The following ENOX1 variants were observed in gnomAD, a reference collection of about 807,000 sequenced individuals.
The protein encoded by ENOX1 is ecto-NOX disulfide-thiol exchanger 1.
ENOX1 carries 42 observed loss-of-function variants against 82.5 expected under a neutral mutation model. The ratio of observed to expected loss-of-function variants is 0.51; its 90% CI spans 0.40 to 0.66. ENOX1 has a LOEUF of 0.66. ENOX1 is among the 30% of genes least tolerant of loss of function. The probability of loss-of-function intolerance (pLI) is 0.00; values close to 1 mark genes in which losing one functional copy is unlikely to be tolerated. For missense variants in ENOX1, 608 were observed against 811.6 expected (o/e 0.75, Z 3.05); for synonymous variants, 271 against 282.2 (o/e 0.96, Z 0.40).
Position 43,630,858 on chromosome 13 carries a change from T to TACAC in ENOX1, c.-219+36620_-219+36621insGTGT, listed in dbSNP as rs767775854. Among the ~76,000 whole-genome samples, 88 of 82,092 alleles carry TACAC rather than the reference T, an allele frequency of 1.1e-3. 1 individual carries two copies. The East Asian group carries it at 0.014, about 13-fold the overall frequency. The allele number at this position is 82,092 out of a possible 152,430, so 53.9% of individuals were successfully genotyped here. On this transcript the variant is annotated intron_variant, in intron 2 of 16. Coordinates refer to ENST00000690772, the MANE Select transcript of ENOX1 (RefSeq NM_001347969.2). ...AACCACACACACACATATATATATA[T>TACAC]ATACACACACACACACATATATATA...
chr13:43,258,430 G>T (rs1280975996), intron 14 of ENOX1, among the ~76,000 whole-genome samples: 1 of 152,210 alleles, frequency 6.6e-6, no homozygotes, highest in African/African-American at 2.4e-5. Flanking sequence ...AGGGGCAGGG[G>T]TTGTAGAGGG....
chr13:43,437,566 C>G (rs1004825346), intron 3 of ENOX1, among the ~76,000 whole-genome samples: 1 of 152,098 alleles, frequency 6.6e-6, no homozygotes, highest in Non-Finnish European at 1.5e-5. Context: ...AGGTTTGTGA[C>G]CTGGGGCAAA....
At chr13:43,261,841 G>A (rs1439228800) in intron 14 of ENOX1, among the ~76,000 whole-genome samples, 1 of 127,606 alleles carries the variant, frequency 7.8e-6, no homozygotes, top group Non-Finnish European at 1.6e-5. Flanking sequence ...GACTGTTGTG[G>A]GGTGGGGGGA....
intron 12 of ENOX1, among the ~76,000 whole-genome samples, chr13:43,278,821 C>A (rs2045214225): frequency 6.6e-6 from 1 of 152,026 alleles, no homozygotes; most frequent in African/African-American, 2.4e-5. Context: ...CAATTTTTTC[C>A]TTTTATCACA....
chr13:43,708,217 C>T (rs1440741013), intron 1 of ENOX1, among the ~76,000 whole-genome samples: 1 of 152,174 alleles, frequency 6.6e-6, no homozygotes, highest in Non-Finnish European at 1.5e-5. Context: ...AAGAATGCCT[C>T]AAGTGAGCAT....
At chr13:43,326,716 C>T (rs1423279853) in intron 9 of ENOX1, among the ~76,000 whole-genome samples, 191 bp from the exon 10 acceptor site, 1 of 152,172 alleles carries the variant, frequency 6.6e-6, no homozygotes, top group Non-Finnish European at 1.5e-5. Context: ...AGTCTGTCTC[C>T]ACAACTTTAG....
At chr13:43,314,490 CA>C (rs1165777196) in intron 11 of ENOX1, among the ~76,000 whole-genome samples, 1 of 152,162 alleles carries the variant, frequency 6.6e-6, no homozygotes, top group East Asian at 1.9e-4. Context: ...AGCTCATGTG[CA>C]ACAGTGTTAG....
At chr13:43,437,131 C>CA (rs1328006237) in intron 3 of ENOX1, among the ~76,000 whole-genome samples, 1 of 151,928 alleles carries the variant, frequency 6.6e-6, no homozygotes, top group African/African-American at 2.4e-5. Context: ...AAAAGAAGAA[C>CA]AAGGAAAAAT....
At chr13:43,753,758 C>T (rs1260918130) in intron 1 of ENOX1, among the ~76,000 whole-genome samples, 1 of 152,154 alleles carries the variant, frequency 6.6e-6, no homozygotes, top group African/African-American at 2.4e-5. Context: ...TATGTAGTAT[C>T]TATGGTTTTT....
At chr13:43,217,245 C>T (rs540906264) in intron 16 of ENOX1, among the ~76,000 whole-genome samples, 3 of 152,328 alleles carry the variant, frequency 2.0e-5, no homozygotes, top group African/African-American at 7.2e-5. Context: ...CAGGGCTCCT[C>T]TGTGATGAAT....
chr13:43,285,550 T>G (rs2045643242), intron 12 of ENOX1, among the ~76,000 whole-genome samples: 1 of 152,050 alleles, frequency 6.6e-6, no homozygotes, highest in Non-Finnish European at 1.5e-5. Flanking sequence ...CTCTTAGTCA[T>G]ATAAGAAGGA....
At chr13:43,555,825 C>A (rs2153702197) in intron 2 of ENOX1, among the ~76,000 whole-genome samples, 1 of 152,306 alleles carries the variant, frequency 6.6e-6, no homozygotes, top group South Asian at 2.1e-4. Flanking sequence ...CACTGCTACT[C>A]TCTGGGTTGC....
intron 9 of ENOX1, 33 bp from the exon 10 acceptor site, chr13:43,326,558 T>C (rs1283014985): frequency 1.3e-6 from 2 of 1,558,216 alleles, no homozygotes; most frequent in Non-Finnish European, 1.8e-6. Context: ...ACAAGACAAG[T>C]AATTTATGTT....
intron 5 of ENOX1, among the ~76,000 whole-genome samples, chr13:43,387,692 GCACA>G (rs953271067): frequency 8.6e-5 from 13 of 151,538 alleles, no homozygotes; most frequent in African/African-American, 3.2e-4. Context: ...ACATACACAT[GCACA>G]CACACACATA....
intron 11 of ENOX1, among the ~76,000 whole-genome samples, chr13:43,312,904 C>G (rs773569008): frequency 9.2e-5 from 14 of 152,148 alleles, no homozygotes; most frequent in Non-Finnish European, 1.8e-4. Context: ...TCGGCTTTGT[C>G]TGGATTAACA....
chr13:43,531,054 C>G (rs982815329), intron 2 of ENOX1, among the ~76,000 whole-genome samples: 1 of 150,816 alleles, frequency 6.6e-6, no homozygotes, highest in African/African-American at 2.4e-5. Context: ...AAATATAATA[C>G]AAAAAAACTA....
At chr13:43,313,969 T>G (rs2047347900) in intron 11 of ENOX1, among the ~76,000 whole-genome samples, 1 of 152,196 alleles carries the variant, frequency 6.6e-6, no homozygotes. Flanking sequence ...ACAGCAGCTC[T>G]AGAACTTAAA....
At chr13:43,425,140 T>A (rs2055216004) in intron 3 of ENOX1, among the ~76,000 whole-genome samples, 1 of 152,160 alleles carries the variant, frequency 6.6e-6, no homozygotes, top group Non-Finnish European at 1.5e-5. Context: ...AGAAGCTGAA[T>A]CCTGGTTATT....
chr13:43,374,683 T>C (rs1015467756), intron 5 of ENOX1, among the ~76,000 whole-genome samples: 6 of 152,254 alleles, frequency 3.9e-5, no homozygotes, highest in African/African-American at 1.4e-4. Context: ...TTTTATGCAG[T>C]GCTATGTTTT....
Sources: gnomAD v4.1 joint callset for allele counts (sites outside exome capture counted in the v4.1 genomes callset) on GRCh38, gnomAD v4.1.1 for gene constraint, MANE v1.5 for transcripts, NCBI Gene and HGNC (gene_info 2026-07-23, HGNC 2026-07-21) for gene names.